Variants in NPR3 observed in about 807,000 individuals in gnomAD.
The protein encoded by NPR3 is natriuretic peptide receptor 3.
NPR3 carries 34 observed loss-of-function variants against 54.5 expected under a neutral mutation model. The observed-to-expected ratio is 0.62, with a 90% CI of 0.47 to 0.83. The LOEUF (loss-of-function observed/expected upper bound fraction) is 0.83, where lower values mean the gene tolerates loss of function less well. Among genes scored for constraint, NPR3 ranks in the 40% least tolerant of loss-of-function variants. The pLI, the probability that NPR3 is intolerant of heterozygous loss-of-function variation, is 0.00. For synonymous variants in NPR3, 289 were observed against 297.1 expected (o/e 0.97, Z 0.28); for missense variants, 674 against 720.8 (o/e 0.94, Z 0.74).
At chr5:32,777,773 T>C (rs894807952) in intron 4 of NPR3, among the ~76,000 whole-genome samples, 1 of 152,114 alleles carries the variant, frequency 6.6e-6, no homozygotes, top group African/African-American at 2.4e-5. Context: ...CAGATTGTAG[T>C]TCATGGGTGA....
In NPR3 at chr5:32,788,021, G is replaced by A. The variant is rs760899766; in HGVS notation, c.*1676G>A. 8 of 152,256 alleles carry A rather than the reference G, an allele frequency of 5.3e-5. No individual in the cohort carries two copies. The highest frequency in any genetic ancestry group is 1.0e-4 in the Non-Finnish European group (7 of 68,066). The allele number at this position is 152,256 out of a possible 1,614,324, so 9.4% of individuals were successfully genotyped here. On this transcript the variant is annotated 3_prime_UTR_variant, in exon 8 of 8. Transcript: ENST00000265074. ...CAAGTAACAGTGGAGGCAAAGGTAA[G>A]CGCAAGCTGCCTGTCCCAGATGCTG...
chr5:32,750,866 A>AAAC, intron 3 of NPR3, among the ~76,000 whole-genome samples: 1 of 152,328 alleles, frequency 6.6e-6, no homozygotes, highest in South Asian at 2.1e-4. Context: ...CAGACAAGCA[A>AAAC]AACACACGAA....
intron 3 of NPR3, among the ~76,000 whole-genome samples, chr5:32,763,056 C>T (rs1478318949): frequency 6.6e-6 from 1 of 152,144 alleles, no homozygotes; most frequent in Admixed American, 6.6e-5. Context: ...ATATGGCTAG[C>T]CAGTTTTTCC....
At chr5:32,753,240 G>A (rs535667580) in intron 3 of NPR3, among the ~76,000 whole-genome samples, 1 of 152,112 alleles carries the variant, frequency 6.6e-6, no homozygotes, top group South Asian at 2.1e-4. Flanking sequence ...TGCAATAATG[G>A]TGACAATATA....
chr5:32,728,831 G>GTATATATATATATA (rs1378102562), intron 2 of NPR3, among the ~76,000 whole-genome samples: 8 of 63,966 alleles, frequency 1.3e-4, no homozygotes, highest in Non-Finnish European at 2.1e-4. Context: ...GTGTGTGTGT[G>GTATATATATATATA]TGTGTGTATA....
At chr5:32,764,788 C>CA (rs568944478) in intron 3 of NPR3, among the ~76,000 whole-genome samples, 518 of 36,388 alleles carry the variant, frequency 0.014, 34 homozygotes, top group African/African-American at 0.021. Flanking sequence ...GGGTCCATCT[C>CA]AAAAAAAAAA....
intron 2 of NPR3, among the ~76,000 whole-genome samples, chr5:32,735,631 C>T (rs991394475): frequency 1.3e-5 from 2 of 152,200 alleles, no homozygotes; most frequent in Non-Finnish European, 2.9e-5. Context: ...CTCCCCCACC[C>T]TAATCCACTG....
rs767485667 is a variant in NPR3, at chr5:32,789,248, T to A, written c.*2903T>A. ...TGCTTTTTGGTGTTGGAAATAAGTG[T>A]CTGTCTTATGGTCATCATTGTCTTC... On this transcript the variant is annotated 3_prime_UTR_variant, in exon 8 of 8. Coordinates refer to ENST00000265074, the MANE Select transcript of NPR3 (RefSeq NM_001204375.2). 3 of 336,460 alleles carry A rather than the reference T, an allele frequency of 8.9e-6. No homozygotes were observed. The highest frequency in any genetic ancestry group is 2.2e-5 in the African/African-American group (1 of 46,462). The allele number at this position is 336,460 out of a possible 1,614,324, so 20.8% of individuals were successfully genotyped here.
In NPR3 at chr5:32,724,586, T is replaced by G. The variant is rs1739038841; in HGVS notation, c.770-112T>G. The G allele has an allele frequency of 2.3e-6, 3 of 1,282,352 alleles. No homozygotes were observed. The African/African-American group carries it at 4.4e-5, about 19-fold the overall frequency. The allele number at this position is 1,282,352 out of a possible 1,614,324, so 79.4% of individuals were successfully genotyped here. On this transcript the variant is annotated intron_variant, in intron 1 of 7. Coordinates refer to ENST00000265074, the MANE Select transcript of NPR3 (RefSeq NM_001204375.2). ...TTAACAAGTGATTGTGAGGAGATACTTCAGGACCATATAAGTATCCCGTTC... is the reference window on the plus strand; with the variant it reads ...TTAACAAGTGATTGTGAGGAGATACGTCAGGACCATATAAGTATCCCGTTC...
intron 1 of NPR3, among the ~76,000 whole-genome samples, chr5:32,692,379 G>GAATTATAAT (rs1740414369): frequency 6.6e-6 from 1 of 152,066 alleles, no homozygotes; most frequent in Non-Finnish European, 1.5e-5. Flanking sequence ...ATTCATAAAG[G>GAATTATAAT]AACAATAATA....
upstream of NPR3, chr5:32,710,069 A>C (rs1266509613): frequency 6.6e-6 from 1 of 152,216 alleles, no homozygotes; most frequent in Non-Finnish European, 1.5e-5. Flanking sequence ...ACTTGGCTGC[A>C]GTAGGCACAG....
chr5:32,740,522 T>C (rs895364018), intron 3 of NPR3, among the ~76,000 whole-genome samples: 15 of 152,034 alleles, frequency 9.9e-5, no homozygotes, highest in African/African-American at 3.6e-4. Context: ...TTTAAATCAG[T>C]GCTGTCTGGT....
At position 32,789,492 on chromosome 5, in the gene NPR3, A is replaced by G. The variant is rs138876563; in HGVS notation, c.*3147A>G. 3.2e-5 allele frequency: 17 copies of G among 534,624 alleles called. No individual in the cohort carries two copies. Among genetic ancestry groups the G allele is most frequent in the African/African-American group, 1.5e-4 (8 of 51,968 alleles). 33.1% of individuals were successfully genotyped at this position (534,624 alleles called of 1,614,324 possible). A position where few individuals can be genotyped will look rare whatever the true frequency, so the allele number is the denominator to read the frequency against. ...CAGGAATGGTTCTACAGACCCTACT[A>G]TAATTCTTCACATTTCAGAACCCAT... On this transcript the variant is annotated 3_prime_UTR_variant, in exon 8 of 8. Coordinates refer to ENST00000265074, the MANE Select transcript of NPR3 (RefSeq NM_001204375.2).
intron 3 of NPR3, among the ~76,000 whole-genome samples, chr5:32,764,266 C>G (rs1334124179): frequency 2.6e-5 from 4 of 152,076 alleles, no homozygotes; most frequent in East Asian, 1.9e-4. Flanking sequence ...GGAATTACCC[C>G]CTTGATATCA....
intron 1 of NPR3, among the ~76,000 whole-genome samples, chr5:32,722,724 G>A (rs1312553057): frequency 6.6e-6 from 1 of 152,016 alleles, no homozygotes; most frequent in Admixed American, 6.5e-5. Context: ...ATGTTTTATG[G>A]GACACCCTGG....
chr5:32,723,193 C>T (rs943252883), intron 1 of NPR3, among the ~76,000 whole-genome samples: 1 of 152,112 alleles, frequency 6.6e-6, no homozygotes, highest in African/African-American at 2.4e-5. Context: ...TTTATAGCAC[C>T]CAGGTCTCTC....
upstream of NPR3, among the ~76,000 whole-genome samples, chr5:32,705,723 C>T (rs1737968169): frequency 6.6e-6 from 1 of 152,104 alleles, no homozygotes; most frequent in Non-Finnish European, 1.5e-5. Flanking sequence ...TACAATTCAA[C>T]ATGAGATTTG....
chr5:32,737,423 G>C (rs1739807513), intron 2 of NPR3, among the ~76,000 whole-genome samples: 1 of 152,182 alleles, frequency 6.6e-6, no homozygotes, highest in Non-Finnish European at 1.5e-5. Flanking sequence ...AAAGCCACCA[G>C]GTCTTTGTTA....
chr5:32,702,497 A>G (rs1219107846), intron 1 of NPR3, among the ~76,000 whole-genome samples: 2 of 144,876 alleles, frequency 1.4e-5, no homozygotes, highest in Non-Finnish European at 3.0e-5. Context: ...CCTATGAGTG[A>G]GAACATGCGG....
Sources: gnomAD v4.1 joint callset for allele counts (sites outside exome capture counted in the v4.1 genomes callset) on GRCh38, gnomAD v4.1.1 for gene constraint, MANE v1.5 for transcripts, NCBI Gene and HGNC (gene_info 2026-07-23, HGNC 2026-07-21) for gene names.